The following AGR3 variants were observed in gnomAD, a reference collection of about 807,000 sequenced individuals.
AGR3 encodes anterior gradient 3, protein disulphide isomerase family member, also known as anterior gradient protein 3.
A neutral mutation model predicts 24.5 loss-of-function variants in AGR3; 37 were observed. That is an observed-to-expected ratio of 1.51 (90% confidence interval 1.16 to 1.99). AGR3 has a LOEUF of 1.99. AGR3 is among the 30% of genes most tolerant of loss of function. The probability of loss-of-function intolerance (pLI) is 0.00; values close to 1 mark genes in which losing one functional copy is unlikely to be tolerated. For synonymous variants in AGR3, 75 were observed against 61.6 expected, an observed-to-expected ratio of 1.22 and a Z score of -1.02; for missense variants, 228 against 191.1, an observed-to-expected ratio of 1.19 and a Z score of -1.14.
intron 3 of AGR3, among the ~76,000 whole-genome samples, chr7:16,866,935 T>A (rs901730915): frequency 6.6e-6 from 1 of 152,124 alleles, no homozygotes; most frequent in Non-Finnish European, 1.5e-5. Flanking sequence ...TAGTAATTTC[T>A]TTTTAGACTT....
chr7:16,865,203 G>A, intron 3 of AGR3: 2 of 761,400 alleles, frequency 2.6e-6, no homozygotes, highest in South Asian at 1.6e-5. Context: ...TCTTTGTTTT[G>A]ATTTTGACAG....
At chr7:16,862,851 C>T (rs1781676221) in intron 3 of AGR3, among the ~76,000 whole-genome samples, 189 bp from the exon 4 acceptor site, 1 of 152,158 alleles carries the variant, frequency 6.6e-6, no homozygotes, top group Non-Finnish European at 1.5e-5. Context: ...GTATCAGTAT[C>T]ACTAGGTAGC....
At chr7:16,858,621 C>G (rs550153789), downstream of AGR3, among the ~76,000 whole-genome samples, 1,010 of 152,146 alleles carry the variant, frequency 6.6e-3, 17 homozygotes, top group Non-Finnish European at 5.5e-3. Context: ...CCTGTAATCC[C>G]AACACTTTGG....
At chr7:16,874,676 C>T (rs1435842095) in intron 2 of AGR3, among the ~76,000 whole-genome samples, 1 of 152,010 alleles carries the variant, frequency 6.6e-6, no homozygotes, top group African/African-American at 2.4e-5. Flanking sequence ...GTTGTCAGAC[C>T]ACAGTTTCTG....
chr7:16,878,265 C>T (rs1320320342), intron 2 of AGR3, among the ~76,000 whole-genome samples: 1 of 152,100 alleles, frequency 6.6e-6, no homozygotes, highest in Non-Finnish European at 1.5e-5. Context: ...AGACAGCGAG[C>T]CAATTCTCCA....
At chr7:16,862,420 A>C (rs1024203460) in intron 4 of AGR3, among the ~76,000 whole-genome samples, 190 bp downstream of exon 4, 5 of 152,168 alleles carry the variant, frequency 3.3e-5, no homozygotes, top group Non-Finnish European at 7.4e-5. Context: ...TATAATAGAA[A>C]TATTCAGTAG....
intron 2 of AGR3, among the ~76,000 whole-genome samples, chr7:16,876,233 A>G (rs990542143): frequency 6.6e-6 from 1 of 152,126 alleles, no homozygotes; most frequent in African/African-American, 2.4e-5. Flanking sequence ...GTTTAAATGC[A>G]CTTCATGGCT....
intron 5 of AGR3, among the ~76,000 whole-genome samples, 163 bp from the exon 6 acceptor site, chr7:16,861,610 A>G (rs1781645031): frequency 6.6e-6 from 1 of 152,168 alleles, no homozygotes; most frequent in African/African-American, 2.4e-5. Flanking sequence ...TAAAAATAGA[A>G]AAAAAGGAGG....
downstream of AGR3, among the ~76,000 whole-genome samples, chr7:16,858,350 T>G (rs1274566810): frequency 1.3e-5 from 2 of 152,114 alleles, no homozygotes; most frequent in Non-Finnish European, 2.9e-5. Context: ...GGATTTCTAT[T>G]AGCAGGATTT....
rs1264239269 is a variant in AGR3, at chr7:16,865,146, C to T, written c.174-2484G>A. On this transcript the variant is annotated intron_variant, in intron 3 of 7. Transcript: ENST00000310398. ...GAGAAACAGAGAAACGTCTTTGCCA[C>T]CAGTAGCTTGGACCTCTTGACTTTC... 3 of 739,172 alleles carry T rather than the reference C, an allele frequency of 4.1e-6. No individual in the cohort carries two copies. In the South Asian group the frequency reaches 4.7e-5, roughly 12 times the overall value. 45.8% of individuals were successfully genotyped at this position (739,172 alleles called of 1,614,324 possible).
chr7:16,874,084 A>G (rs1324935192), intron 2 of AGR3, among the ~76,000 whole-genome samples: 2 of 152,332 alleles, frequency 1.3e-5, no homozygotes, highest in African/African-American at 4.8e-5. Context: ...TGAACCCAGT[A>G]AGTACTCAAT....
chr7:16,864,908 CAAT>C (rs2115302834), intron 3 of AGR3: 1 of 902,572 alleles, frequency 1.1e-6, no homozygotes, highest in Non-Finnish European at 1.9e-6. Flanking sequence ...CTGGCTCTCA[CAAT>C]ATCATCAATT....
chr7:16,879,417 G>T (rs1478532980), intron 1 of AGR3, among the ~76,000 whole-genome samples: 4 of 152,130 alleles, frequency 2.6e-5, no homozygotes, highest in African/African-American at 9.7e-5. Context: ...TCCAAAGTTG[G>T]GCCTGATCTG....
chr7:16,878,706 T>C (rs1782043963), intron 1 of AGR3, 61 bp from the exon 2 acceptor site: 1 of 1,315,628 alleles, frequency 7.6e-7, no homozygotes, highest in Non-Finnish European at 1.1e-6. Flanking sequence ...TATTAGAAGA[T>C]ATTTGCTAAG....
At chr7:16,867,847 A>G (rs934635918) in intron 3 of AGR3, among the ~76,000 whole-genome samples, 1 of 152,172 alleles carries the variant, frequency 6.6e-6, no homozygotes, top group African/African-American at 2.4e-5. Flanking sequence ...TCTCTTAGAC[A>G]TACCGATTTT....
chr7:16,860,514 C>T lies in AGR3; in HGVS notation c.437G>A (p.Arg146Gln), dbSNP rs994746508. ...TGAATACTTACATAGGGGTAAATCC[C>T]GAGGCTCATATGTGTACAATCTGTT... Reference protein sequence around the residue: ...YSNRLYTYEPRDLPLLIENMK... With the variant: ...YSNRLYTYEPQDLPLLIENMK... Residue 146 changes from arginine (R) to glutamine (Q), a missense_variant, in exon 7 of 8, where the codon CGG (arginine) becomes CAG (glutamine). Coordinates refer to ENST00000310398, the MANE Select transcript of AGR3 (RefSeq NM_176813.5). 1.7e-5 allele frequency: 27 copies of T among 1,612,652 alleles called. No homozygotes were observed. Among genetic ancestry groups the T allele is most frequent in the East Asian group, 1.1e-4 (5 of 44,844 alleles).
intron 3 of AGR3, chr7:16,865,421 C>T (rs1403733958): frequency 7.6e-6 from 7 of 915,234 alleles, no homozygotes; most frequent in Admixed American, 1.8e-5. Flanking sequence ...TAAGAAATTT[C>T]ATCGTAATTG....
chr7:16,865,960 C>G, intron 3 of AGR3: 2 of 687,360 alleles, frequency 2.9e-6, no homozygotes, highest in South Asian at 3.0e-5. Flanking sequence ...GAGCTTTTTA[C>G]CAGGTTTCAA....
chr7:16,876,457 A>G lies in AGR3; in HGVS notation c.109+2053T>C, dbSNP rs558762543. Among the ~76,000 whole-genome samples, 5 of 152,026 alleles carry G rather than the reference A, an allele frequency of 3.3e-5. No homozygotes were observed. The East Asian group carries it at 5.8e-4, about 18-fold the overall frequency. On this transcript the variant is annotated intron_variant, in intron 2 of 7. Transcript: ENST00000310398. ...TTTTTTTCTCCCTGAACCTTCTTCT[A>G]CCTTTTTCTAATTAATCTTCCTTTT...
Sources: allele counts gnomAD v4.1 joint callset (sites outside exome capture counted in the v4.1 genomes callset), GRCh38; gene constraint gnomAD v4.1.1; transcripts MANE v1.5; gene names NCBI Gene and HGNC (gene_info 2026-07-23, HGNC 2026-07-21).